The following KLHL38 variants were observed in gnomAD, a reference collection of about 807,000 sequenced individuals.
The protein encoded by KLHL38 is kelch like family member 38.
KLHL38 carries 38 observed loss-of-function variants against 39.6 expected under a neutral mutation model. That is an observed-to-expected ratio of 0.96 (90% confidence interval 0.74 to 1.26). KLHL38 has a LOEUF of 1.26. KLHL38 is among the 50% of genes most tolerant of loss of function. The pLI is 0.00. For missense variants in KLHL38, 803 were observed against 748.1 expected (o/e 1.07, Z -0.86); for synonymous variants, 322 against 302.2 (o/e 1.07, Z -0.68).
In KLHL38 at chr8:123,652,324, C is replaced by T. The variant is rs1280019979; in HGVS notation, c.603G>A (p.Met201Ile). Residue 201 changes from methionine (M) to isoleucine (I), a missense_variant, in exon 2 of 4, where the codon ATG (methionine) becomes ATA (isoleucine). Physicochemically the swap from Met to Ile is conservative, Grantham distance 10 (BLOSUM62 1). Transcript: ENST00000684634. ...CCTGGAGGTCATGCTTGATCCAAAC[C>T]ATGAGGGCCTCAAACACCTTTTCCT... ...GEEEKVFEAL[M>I]VWIKHDLQAR... The T allele has an allele frequency of 1.2e-6, 2 of 1,613,816 alleles. No homozygotes were observed. The highest frequency in any genetic ancestry group is 1.7e-6 in the Non-Finnish European group (2 of 1,180,034).
In KLHL38 at chr8:123,645,466, A is replaced by G; in HGVS notation, c.*273T>C. Reference sequence around the variant, plus strand: ...AAAAGAAAAAGAGAGAGAGAGAGAGAGAGAGAGAGAGAGACAGACAGAGAT... The same window carrying G: ...AAAAGAAAAAGAGAGAGAGAGAGAGGGAGAGAGAGAGAGACAGACAGAGAT... On this transcript the variant is annotated 3_prime_UTR_variant, in exon 4 of 4. Transcript: ENST00000684634. 2.1e-6 allele frequency: 1 copy of G among 478,724 alleles called. No homozygotes were observed. Among genetic ancestry groups the G allele is most frequent in the Non-Finnish European group, 3.7e-6 (1 of 270,584 alleles). 29.7% of individuals were successfully genotyped at this position (478,724 alleles called of 1,614,324 possible).
In KLHL38 at chr8:123,651,882, C is replaced by G. The variant is rs762318828; in HGVS notation, c.1045G>C (p.Val349Leu). The G allele has an allele frequency of 1.2e-5, 19 of 1,614,058 alleles. No individual in the cohort carries two copies. The Admixed American group carries it at 3.0e-4, about 25-fold the overall frequency. ...GAGAAGATGTAGACATTGTGACTGA[C>G]CAGACTCCTCCCTGAGCTGACAGCC... ...GMAVSSGRSL[V>L]SHNVYIFSLK... Residue 349 changes from valine (V) to leucine (L), a missense_variant, in exon 2 of 4, where the codon GTC becomes CTC. Coordinates refer to ENST00000684634, the MANE Select transcript of KLHL38 (RefSeq NM_001081675.3).
At chr8:123,647,931 A>T (rs945540283) in intron 2 of KLHL38, among the ~76,000 whole-genome samples, 3 of 152,102 alleles carry the variant, frequency 2.0e-5, no homozygotes, top group African/African-American at 4.8e-5. Context: ...TACAAAAAAA[A>T]TTAGCTGCGT....
chr8:123,653,545 G>GT (rs1203128976), intron 1 of KLHL38, among the ~76,000 whole-genome samples, 41 bp downstream of exon 1: 1 of 152,172 alleles, frequency 6.6e-6, no homozygotes, highest in East Asian at 1.9e-4. Flanking sequence ...ATGACACCTG[G>GT]TTTTCTACTT....
In KLHL38 at chr8:123,652,000, G is replaced by T. The variant is rs767393891; in HGVS notation, c.927C>A (p.Thr309=). 12 of 1,614,104 alleles carry T rather than the reference G, an allele frequency of 7.4e-6. No individual in the cohort carries two copies. In the Admixed American group the frequency reaches 1.5e-4, roughly 20 times the overall value. ...TRDVLLYSKQ[T]GQWQSLAKLP... is the part of the protein sequence containing the mutation. ...GTTTGGCAAGGCTCTGCCATTGGCC[G>T]GTCTGTTTGCTGTACAGTAGGACGT... The change falls in exon 2 of 4, where the codon ACC becomes ACA. Residue 309 remains threonine, a synonymous_variant. Transcript: ENST00000684634.
At chr8:123,647,089 C>T (rs11991744) in intron 2 of KLHL38, 75 bp from the exon 3 acceptor site, 2 of 838,840 alleles carry the variant, frequency 2.4e-6, no homozygotes, top group Admixed American at 2.1e-5. Context: ...GTAGTAATTA[C>T]GAGGGTGAAC....
rs367735686 is a variant in KLHL38, at chr8:123,645,695, C to T, written c.*44G>A. On this transcript the variant is annotated 3_prime_UTR_variant, in exon 4 of 4. Transcript: ENST00000684634. Reference sequence around the variant, plus strand: ...TTTGGAGCTGGGTTTGTGTCCCTGGCGACAGAAGGCATTTTGACTAGGGCA... The same window carrying T: ...TTTGGAGCTGGGTTTGTGTCCCTGGTGACAGAAGGCATTTTGACTAGGGCA... 2.3e-5 allele frequency: 37 copies of T among 1,597,270 alleles called. No individual in the cohort carries two copies. The highest frequency in any genetic ancestry group is 1.5e-4 in the Admixed American group (9 of 59,192).
rs567622063 is a variant in KLHL38, at chr8:123,653,694, T to A, written c.-110A>T. ...CATAAACCCCAGGCCTTTCTTTCAG[T>A]TGGCAAATGATTTGTCCTGGGAGAT... On this transcript the variant is annotated 5_prime_UTR_variant, in exon 1 of 4. Transcript: ENST00000684634. 6.6e-6 allele frequency among the ~76,000 whole-genome samples: 1 copy of A among 152,362 alleles called. No homozygotes were observed. Among genetic ancestry groups the A allele is most frequent in the Non-Finnish European group, 1.5e-5 (1 of 68,032 alleles).
chr8:123,651,397 T>C (rs1361269399), intron 2 of KLHL38, among the ~76,000 whole-genome samples, 180 bp downstream of exon 2: 1 of 152,258 alleles, frequency 6.6e-6, no homozygotes, highest in African/African-American at 2.4e-5. Context: ...TTTCTGCATA[T>C]ATGTGTGCAC....
At chr8:123,649,838 T>C (rs1166645441) in intron 2 of KLHL38, among the ~76,000 whole-genome samples, 1 of 152,098 alleles carries the variant, frequency 6.6e-6, no homozygotes, top group Non-Finnish European at 1.5e-5. Context: ...ACACTGCCCT[T>C]CTCCTCTTTG....
chr8:123,650,368 C>T (rs1054101808), intron 2 of KLHL38, among the ~76,000 whole-genome samples: 4 of 152,106 alleles, frequency 2.6e-5, no homozygotes, highest in African/African-American at 9.7e-5. Flanking sequence ...TGTGTTGGGC[C>T]GCATTCAAAG....
At position 123,652,663 on chromosome 8, in the gene KLHL38, G is replaced by C. The variant is rs752658087; in HGVS notation, c.264C>G (p.Ile88Met). 6.2e-7 allele frequency: 1 copy of C among 1,614,216 alleles called. No homozygotes were observed. Among genetic ancestry groups the C allele is most frequent in the Non-Finnish European group, 8.5e-7 (1 of 1,180,040 alleles). The change falls in exon 2 of 4, where the codon ATC (isoleucine) becomes ATG (methionine). Residue 88 changes from isoleucine (I) to methionine (M), a missense_variant. Ile to Met is a conservative substitution (Grantham distance 10, BLOSUM62 1). Transcript: ENST00000684634. Reference protein sequence around the residue: ...KGIDPPTLDQIVSYVYTGEAH... With the variant: ...KGIDPPTLDQMVSYVYTGEAH... ...CCTCCCCCGTATACACGTAGGAGAC[G>C]ATCTGGTCCAGGGTTGGGGGGTCAA... is the stretch of plus-strand genomic sequence containing the variant.
At chr8:123,650,422 G>C (rs753867636) in intron 2 of KLHL38, among the ~76,000 whole-genome samples, 1 of 152,194 alleles carries the variant, frequency 6.6e-6, no homozygotes, top group Non-Finnish European at 1.5e-5. Context: ...GCTCTAGACT[G>C]GTTTAGGGCA....
rs201491875 is a variant in KLHL38, at chr8:123,651,809, C to G, written c.1118G>C (p.Arg373Pro). Reference sequence around the variant, plus strand: ...ATGGGCAGTGCTTCTGTGGGAGTAGCGGGCCACCAGCATGGGCTCCCCCAG... The same window carrying G: ...ATGGGCAGTGCTTCTGTGGGAGTAGGGGGCCACCAGCATGGGCTCCCCCAG... Reference protein sequence around the residue: ...WRLGEPMLVARYSHRSTAHKN... With the variant: ...WRLGEPMLVAPYSHRSTAHKN... Residue 373 changes from arginine (R) to proline (P), a missense_variant, in exon 2 of 4, where the codon CGC (arginine) becomes CCC (proline). Coordinates refer to ENST00000684634, the MANE Select transcript of KLHL38 (RefSeq NM_001081675.3). 16 of 1,613,992 alleles carry G rather than the reference C, an allele frequency of 9.9e-6. No homozygotes were observed. The South Asian group carries it at 1.8e-4, about 18-fold the overall frequency.
chr8:123,651,072 T>C (rs894071790), intron 2 of KLHL38, among the ~76,000 whole-genome samples: 3 of 152,240 alleles, frequency 2.0e-5, no homozygotes, highest in Non-Finnish European at 2.9e-5. Flanking sequence ...TTGTTATGTA[T>C]TATTTTTGCA....
Position 123,651,594 on chromosome 8 carries a change from G to A in KLHL38, c.1333C>T (p.Pro445Ser), listed in dbSNP as rs375302916. Residue 445 changes from proline (P) to serine (S), a missense_variant, in exon 2 of 4, where the codon CCT becomes TCT. Coordinates refer to ENST00000684634, the MANE Select transcript of KLHL38 (RefSeq NM_001081675.3). ...CCATTTACCTGGATAAGGCGCACAG[G>A]GTTCTGCATGATGTCCTCTCCTCCA... is the stretch of plus-strand genomic sequence containing the variant. ...LFGGEDIMQN[P>S]VRLIQVYHIS... 16 of 1,587,200 alleles carry A rather than the reference G, an allele frequency of 1.0e-5. No homozygotes were observed. The African/African-American group carries it at 1.3e-4, about 13-fold the overall frequency.
rs901439513 is a variant in KLHL38 at position 123,652,975 on chromosome 8, T to C, written c.-1-48A>G. 3 of 1,530,874 alleles carry C rather than the reference T, an allele frequency of 2.0e-6. No individual in the cohort carries two copies. In the African/African-American group the frequency reaches 4.1e-5, roughly 21 times the overall value. 94.8% of individuals were successfully genotyped at this position (1,530,874 alleles called of 1,614,324 possible). A position where few individuals can be genotyped will look rare whatever the true frequency, so the allele number is the denominator to read the frequency against. ...CCAGAGTCAGCAAGAGTCAAACCTT[T>C]CTCAGCTGCATGTGCTGGAGGGTTC... is the stretch of plus-strand genomic sequence containing the variant. On this transcript the variant is annotated intron_variant, in intron 1 of 3. Transcript: ENST00000684634.
chr8:123,646,097 G>A, intron 3 of KLHL38, 69 bp from the exon 4 acceptor site: 1 of 1,370,702 alleles, frequency 7.3e-7, no homozygotes, highest in Non-Finnish European at 1.0e-6. Context: ...GCAGTCCTGG[G>A]ACGCGTCTGA....
intron 2 of KLHL38, 88 bp from the exon 3 acceptor site, chr8:123,647,102 G>T: frequency 4.1e-6 from 3 of 734,744 alleles, no homozygotes; most frequent in African/African-American, 1.8e-5. Context: ...GGGTGAACTA[G>T]GAGTGAGATT....
Sources: gnomAD v4.1 joint callset for allele counts (sites outside exome capture counted in the v4.1 genomes callset) on GRCh38, gnomAD v4.1.1 for gene constraint, MANE v1.5 for transcripts, NCBI Gene and HGNC (gene_info 2026-07-23, HGNC 2026-07-21) for gene names.